Variants in B3GALT5 observed in about 807,000 individuals in gnomAD.
The protein encoded by B3GALT5 is UDP-Gal:betaGlcNAc beta 1,3-galactosyltransferase, polypeptide 5.
For missense variants in B3GALT5, 328 were observed against 396.6 expected (o/e 0.83, Z 1.47); for synonymous variants, 156 against 158.6 (o/e 0.98, Z 0.12).
intron 1 of B3GALT5, among the ~76,000 whole-genome samples, chr21:39,621,790 CTT>C (rs1227776772): frequency 1.3e-5 from 2 of 151,820 alleles, no homozygotes; most frequent in South Asian, 2.1e-4. Flanking sequence ...ATTTCTGTCT[CTT>C]TTTTTCTTGT....
intron 1 of B3GALT5, among the ~76,000 whole-genome samples, chr21:39,629,447 A>G (rs955136242): frequency 2.0e-5 from 3 of 152,198 alleles, no homozygotes; most frequent in Admixed American, 1.3e-4. Flanking sequence ...TGCATAGTGC[A>G]TATTTATCAG....
At chr21:39,627,903 T>C (rs1348409326) in intron 1 of B3GALT5, among the ~76,000 whole-genome samples, 1 of 152,178 alleles carries the variant, frequency 6.6e-6, no homozygotes, top group African/African-American at 2.4e-5. Flanking sequence ...AAACCAGCAT[T>C]ACTGGTATTA....
rs1221118672 is a variant in B3GALT5, at chr21:39,666,890, T to C, written c.*5398T>C. 2 of 152,302 alleles carry C rather than the reference T, an allele frequency of 1.3e-5. No individual in the cohort carries two copies. Among genetic ancestry groups the C allele is most frequent in the Non-Finnish European group, 2.9e-5 (2 of 68,118 alleles). 9.4% of individuals were successfully genotyped at this position (152,302 alleles called of 1,614,324 possible). A position where few individuals can be genotyped will look rare whatever the true frequency, so the allele number is the denominator to read the frequency against. ...TGCCGCCCACACCTGTCTGGATTCA[T>C]CCCGACTCGAGCCACCTCCTCCTAA... On this transcript the variant is annotated 3_prime_UTR_variant, in exon 4 of 4. Transcript: ENST00000684187.
intron 1 of B3GALT5, among the ~76,000 whole-genome samples, chr21:39,617,636 G>T (rs1434678536): frequency 1.3e-5 from 2 of 152,164 alleles, no homozygotes; most frequent in Non-Finnish European, 2.9e-5. Context: ...TTTGGGTGGG[G>T]ACACAGAGCT....
Position 39,646,478 on chromosome 21 carries a change from T to C in B3GALT5, c.-305T>C, listed in dbSNP as rs922468897. ...AAGTCACAAAGAAACATAATTTGGC[T>C]TTTGGAGACATGAGCAGCTTCATTT... On this transcript the variant is annotated 5_prime_UTR_variant, in exon 2 of 4. Transcript: ENST00000684187. 5.3e-5 allele frequency: 8 copies of C among 152,242 alleles called. No individual in the cohort carries two copies. The highest frequency in any genetic ancestry group is 2.1e-4 in the South Asian group (1 of 4,832). 9.4% of individuals were successfully genotyped at this position (152,242 alleles called of 1,614,324 possible).
At chr21:39,656,366 G>A (rs1001679580) in intron 2 of B3GALT5, among the ~76,000 whole-genome samples, 3 of 152,088 alleles carry the variant, frequency 2.0e-5, no homozygotes, top group Admixed American at 6.5e-5. Context: ...CACCCTCCCC[G>A]GGTTTCCTTG....
intron 1 of B3GALT5, among the ~76,000 whole-genome samples, chr21:39,620,360 T>C (rs1602253852): frequency 6.6e-6 from 1 of 152,244 alleles, no homozygotes; most frequent in Non-Finnish European, 1.5e-5. Flanking sequence ...TATTTTCTTA[T>C]ATGCAGACTG....
At chr21:39,642,441 G>A (rs535868307) in intron 1 of B3GALT5, among the ~76,000 whole-genome samples, 97 of 152,310 alleles carry the variant, frequency 6.4e-4, no homozygotes, top group Non-Finnish European at 1.2e-3. Context: ...GAAGGGCATT[G>A]GAGACCCAGG....
intron 1 of B3GALT5, among the ~76,000 whole-genome samples, chr21:39,634,631 C>T (rs977571578): frequency 1.3e-5 from 2 of 152,090 alleles, no homozygotes; most frequent in African/African-American, 2.4e-5. Context: ...TGCAGGCCAG[C>T]ATTTGCATCC....
intron 1 of B3GALT5, among the ~76,000 whole-genome samples, chr21:39,625,337 G>A (rs975109061): frequency 1.2e-4 from 19 of 152,138 alleles, no homozygotes; most frequent in Admixed American, 7.2e-4. Flanking sequence ...GCTCTACCAC[G>A]CCTGCTAACC....
intron 1 of B3GALT5, among the ~76,000 whole-genome samples, chr21:39,640,137 G>C (rs1386381105): frequency 6.6e-6 from 1 of 152,116 alleles, no homozygotes; most frequent in Non-Finnish European, 1.5e-5. Context: ...GGTCTGAGAA[G>C]GTAAATAACT....
chr21:39,639,350 C>CT (rs1569212187), intron 1 of B3GALT5, among the ~76,000 whole-genome samples: 1 of 103,394 alleles, frequency 9.7e-6, no homozygotes. Context: ...TTCTTTCTTT[C>CT]CTTCCTTCCT....
At chr21:39,615,448 C>T (rs71316684) in intron 1 of B3GALT5, among the ~76,000 whole-genome samples, 9,249 of 152,258 alleles carry the variant, frequency 0.061, 295 homozygotes, top group South Asian at 0.084. Context: ...AACAAAACAA[C>T]CGGAATTTTT....
chr21:39,620,377 T>C (rs1385058191), intron 1 of B3GALT5, among the ~76,000 whole-genome samples: 3 of 152,252 alleles, frequency 2.0e-5, no homozygotes, highest in Non-Finnish European at 4.4e-5. Context: ...ACTGAAGTTA[T>C]GCATTTTTGG....
chr21:39,628,995 A>AC (rs1351634265), intron 1 of B3GALT5, among the ~76,000 whole-genome samples: 7 of 151,314 alleles, frequency 4.6e-5, no homozygotes, highest in African/African-American at 1.7e-4. Context: ...CACATGCAGA[A>AC]CTCTTAACAT....
rs1207727369 is a variant in B3GALT5 at position 39,660,885 on chromosome 21, T to A, written c.326T>A (p.Val109Glu). 1.2e-6 allele frequency: 2 copies of A among 1,611,936 alleles called. No homozygotes were observed. Among genetic ancestry groups the A allele is most frequent in the Admixed American group, 3.3e-5 (2 of 59,712 alleles). Residue 109 changes from valine to glutamate, a missense_variant, in exon 4 of 4, where the codon GTG becomes GAG. By Grantham distance (121) the Val-to-Glu change is moderately radical. Transcript: ENST00000684187. ...AGCAGTGCAGCGGAAACGAAAGAGG[T>A]GGACCAGGAGAGCCAGCGACACGGG... ...TTSSAAETKE[V>E]DQESQRHGDI... is the part of the protein sequence containing the mutation.
At chr21:39,634,674 C>T (rs1033794781) in intron 1 of B3GALT5, among the ~76,000 whole-genome samples, 41 of 152,206 alleles carry the variant, frequency 2.7e-4, no homozygotes, top group Admixed American at 1.2e-3. Context: ...TAACCCTCCC[C>T]GATCAGTGCC....
At chr21:39,618,971 G>A (rs1602252751) in intron 1 of B3GALT5, among the ~76,000 whole-genome samples, 1 of 152,122 alleles carries the variant, frequency 6.6e-6, no homozygotes, top group African/African-American at 2.4e-5. Flanking sequence ...TTGATATGTT[G>A]TGAGTTAGGG....
intron 1 of B3GALT5, among the ~76,000 whole-genome samples, chr21:39,633,426 T>G (rs1014167083): frequency 1.3e-5 from 2 of 152,216 alleles, no homozygotes; most frequent in Admixed American, 6.5e-5. Context: ...TGGAGGCACT[T>G]TGACAAGTCC....
Sources: gnomAD v4.1 joint callset for allele counts (sites outside exome capture counted in the v4.1 genomes callset) on GRCh38, gnomAD v4.1.1 for gene constraint, MANE v1.5 for transcripts, NCBI Gene and HGNC (gene_info 2026-07-23, HGNC 2026-07-21) for gene names.